The following KCNH5 variants were observed in gnomAD, a reference collection of about 807,000 sequenced individuals.
KCNH5 encodes potassium voltage-gated channel subfamily H member 5, also known as voltage-gated delayed rectifier potassium channel KCNH5.
A neutral mutation model predicts 96.1 loss-of-function variants in KCNH5; 46 were observed. The ratio of observed to expected loss-of-function variants is 0.48; its 90% confidence interval spans 0.38 to 0.61. The LOEUF (loss-of-function observed/expected upper bound fraction) is 0.61, where lower values mean the gene tolerates loss of function less well. Among genes scored for constraint, KCNH5 ranks in the 20% least tolerant of loss-of-function variants. KCNH5 has a pLI of 0.00. For synonymous variants in KCNH5, 439 were observed against 449.8 expected, an observed-to-expected ratio of 0.98 and a Z score of 0.30; for missense variants, 907 against 1,225.8, an observed-to-expected ratio of 0.74 and a Z score of 3.88.
intron 7 of KCNH5, among the ~76,000 whole-genome samples, chr14:62,949,440 G>A (rs1410601443): frequency 1.3e-5 from 2 of 152,182 alleles, no homozygotes; most frequent in Non-Finnish European, 2.9e-5. Context: ...TTCTTTGTAT[G>A]TATTTCCTTT....
intron 8 of KCNH5, among the ~76,000 whole-genome samples, chr14:62,840,326 A>T (rs1487587726): frequency 6.6e-6 from 1 of 152,048 alleles, no homozygotes; most frequent in Non-Finnish European, 1.5e-5. Flanking sequence ...TGAGAAAAGA[A>T]GAAAATGCCT....
intron 10 of KCNH5, among the ~76,000 whole-genome samples, chr14:62,770,961 C>T (rs998555662): frequency 6.6e-6 from 1 of 152,096 alleles, no homozygotes; most frequent in African/African-American, 2.4e-5. Context: ...AGAAAGTAAT[C>T]AAGGTTACGT....
At chr14:63,035,300 A>G (rs1052376312) in intron 1 of KCNH5, among the ~76,000 whole-genome samples, 3 of 152,224 alleles carry the variant, frequency 2.0e-5, no homozygotes, top group Admixed American at 6.5e-5. Flanking sequence ...GGCAAGATAA[A>G]TGATGAAAAA....
intron 7 of KCNH5, among the ~76,000 whole-genome samples, chr14:62,892,976 A>T (rs192139557): frequency 6.6e-6 from 1 of 152,302 alleles, no homozygotes; most frequent in Non-Finnish European, 1.5e-5. Flanking sequence ...CTAACACAAC[A>T]TCCATTCTGC....
At chr14:62,833,143 G>A (rs1722651561) in intron 8 of KCNH5, among the ~76,000 whole-genome samples, 1 of 150,880 alleles carries the variant, frequency 6.6e-6, no homozygotes, top group African/African-American at 2.4e-5. Flanking sequence ...ACTATTCTCT[G>A]TTTTTTTTGG....
chr14:62,754,285 A>G (rs1257282650), intron 10 of KCNH5, among the ~76,000 whole-genome samples: 1 of 152,178 alleles, frequency 6.6e-6, no homozygotes, highest in Non-Finnish European at 1.5e-5. Flanking sequence ...AAATTAAAAC[A>G]TAACATCAGA....
At chr14:63,002,815 G>A (rs1566536306) in intron 3 of KCNH5, among the ~76,000 whole-genome samples, 1 of 152,018 alleles carries the variant, frequency 6.6e-6, no homozygotes, top group East Asian at 1.9e-4. Context: ...GGAAGGACGT[G>A]GCCCTTTCCA....
intron 1 of KCNH5, among the ~76,000 whole-genome samples, chr14:63,019,876 C>G (rs1237104177): frequency 6.6e-6 from 1 of 151,998 alleles, no homozygotes; most frequent in Non-Finnish European, 1.5e-5. Context: ...AGGACATTCT[C>G]AAGAAAATGA....
intron 1 of KCNH5, among the ~76,000 whole-genome samples, chr14:63,042,567 T>C (rs1246482662): frequency 6.6e-6 from 1 of 152,176 alleles, no homozygotes; most frequent in Non-Finnish European, 1.5e-5. Flanking sequence ...TTTCTCTTCC[T>C]GCTAAACCTC....
intron 7 of KCNH5, among the ~76,000 whole-genome samples, chr14:62,928,371 G>T (rs1889515343): frequency 6.6e-6 from 1 of 152,024 alleles, no homozygotes; most frequent in South Asian, 2.1e-4. Flanking sequence ...TTAGTTGCAG[G>T]ACCTTACCAA....
At chr14:62,892,109 A>C (rs1236453940) in intron 7 of KCNH5, among the ~76,000 whole-genome samples, 1 of 152,246 alleles carries the variant, frequency 6.6e-6, no homozygotes, top group African/African-American at 2.4e-5. Context: ...AGGTATGCCA[A>C]AAGCTGAAAG....
At chr14:62,828,198 T>C (rs2140024732) in intron 8 of KCNH5, among the ~76,000 whole-genome samples, 1 of 152,282 alleles carries the variant, frequency 6.6e-6, no homozygotes, top group Non-Finnish European at 1.5e-5. Context: ...TCCTTGTTTT[T>C]CTATATTTAA....
rs1433471196 is a variant in KCNH5 at position 62,732,945 on chromosome 14, T to C, written c.2020-24490A>G. Among the ~76,000 whole-genome samples the C allele has an allele frequency of 2.6e-5, 4 of 151,978 alleles. No homozygotes were observed. The East Asian group carries it at 5.8e-4, about 22-fold the overall frequency. The stretch of plus-strand genomic sequence containing the variant: ...TCTTCTATTCTCTCTCATCTCTCTC[T>C]CTCCTTCTTCTTGTCCCCCTCCTTC... On this transcript the variant is annotated intron_variant, in intron 10 of 10. Transcript: ENST00000322893.
chr14:62,740,222 G>A (rs1466457960), intron 10 of KCNH5, among the ~76,000 whole-genome samples: 1 of 152,140 alleles, frequency 6.6e-6, no homozygotes, highest in Non-Finnish European at 1.5e-5. Flanking sequence ...TACGGATGAT[G>A]TGTATGTGGG....
At chr14:62,723,452 T>C (rs77601020) in intron 10 of KCNH5, among the ~76,000 whole-genome samples, 1,843 of 152,314 alleles carry the variant, frequency 0.012, 32 homozygotes, top group East Asian at 0.094. Context: ...TTACATAAAA[T>C]AACATATTTT....
chr14:62,707,965 A>G lies in KCNH5; in HGVS notation c.2510T>C (p.Met837Thr). Residue 837 changes from methionine to threonine, a missense_variant, in exon 11 of 11, where the codon ATG (methionine) becomes ACG (threonine). This residue lies in a region of KCNH5 where 362 missense variants were observed against 394.4 expected (regional missense o/e 0.92). Transcript: ENST00000322893. ...CTTGGGGTCCTCAGACAATAGCCCC[A>G]TTGACTCAGCTTTAGTGACATTATT... ...DWNNVTKAES[M>T]GLLSEDPKSS... The G allele has an allele frequency of 6.2e-7, 1 of 1,614,176 alleles. No individual in the cohort carries two copies. The highest frequency in any genetic ancestry group is 1.3e-5 in the African/African-American group (1 of 75,024).
intron 9 of KCNH5, among the ~76,000 whole-genome samples, chr14:62,799,726 TACAC>T (rs67691300): frequency 3.6e-4 from 25 of 68,660 alleles, no homozygotes; most frequent in African/African-American, 9.4e-4. Context: ...TATATATATA[TACAC>T]ACACACACAC....
Position 62,987,103 on chromosome 14 carries a change from T to C in KCNH5, c.518A>G (p.Glu173Gly). The C allele has an allele frequency of 2.5e-6, 4 of 1,613,494 alleles. No homozygotes were observed. The highest frequency in any genetic ancestry group is 2.5e-6 in the Non-Finnish European group (3 of 1,179,524). Residue 173 changes from glutamate to glycine, a missense_variant, in exon 5 of 11, where the codon GAG becomes GGG. Around this residue, in one of 6 missense-constraint regions of KCNH5, gnomAD observed 370 missense variants for 561.3 expected, o/e 0.66. Transcript: ENST00000322893. ...LQQLTPMNKT[E>G]VVHKHSRLAE... ...TAGTCTTGAATGTTTATGGACCACC[T>C]CTGTTTTATTCATTGGCGTGAGCTG... is the stretch of plus-strand genomic sequence containing the variant.
At chr14:62,893,087 G>C (rs931125494) in intron 7 of KCNH5, among the ~76,000 whole-genome samples, 1 of 152,168 alleles carries the variant, frequency 6.6e-6, no homozygotes, top group African/African-American at 2.4e-5. Context: ...TCCCCTGATA[G>C]ATCTGGGCAA....
Sources: gnomAD v4.1 joint callset for allele counts (sites outside exome capture counted in the v4.1 genomes callset) on GRCh38, gnomAD v4.1.1 for gene constraint, gnomAD v4.1.1 regional missense constraint, MANE v1.5 for transcripts, NCBI Gene and HGNC (gene_info 2026-07-23, HGNC 2026-07-21) for gene names.